Variants in ATP11B observed in about 807,000 individuals in gnomAD.
ATP11B encodes the protein ATPase phospholipid transporting 11B (putative), also known as phospholipid-transporting ATPase IF.
A neutral mutation model predicts 157.8 loss-of-function variants in ATP11B; 81 were observed. The ratio of observed to expected loss-of-function variants is 0.51; its 90% CI spans 0.43 to 0.62. ATP11B has a LOEUF of 0.62. ATP11B is among the 20% of genes least tolerant of loss of function. ATP11B has a pLI of 0.00. For missense variants in ATP11B, 1,165 were observed against 1,402.2 expected, an observed-to-expected ratio of 0.83 and a Z score of 2.70; for synonymous variants, 451 against 469.4, an observed-to-expected ratio of 0.96 and a Z score of 0.51.
intron 29 of ATP11B, chr3:182,917,159 C>A: frequency 6.1e-6 from 6 of 985,312 alleles, no homozygotes; most frequent in Non-Finnish European, 7.2e-6. Flanking sequence ...TAACGCTCAT[C>A]TCTTCCTGTA....
chr3:182,839,443 T>C (rs964222859), intron 7 of ATP11B, among the ~76,000 whole-genome samples: 1 of 152,028 alleles, frequency 6.6e-6, no homozygotes, highest in Admixed American at 6.6e-5. Flanking sequence ...TAAATAAATG[T>C]GTGTATATAT....
At chr3:182,896,906 A>G in intron 26 of ATP11B, 141 bp downstream of exon 26, 2 of 646,104 alleles carry the variant, frequency 3.1e-6, no homozygotes, top group South Asian at 4.5e-5. Context: ...CTATTTTAAT[A>G]GTTAAATTTT....
chr3:182,872,705 G>A (rs1220888564), intron 18 of ATP11B, among the ~76,000 whole-genome samples, 168 bp downstream of exon 18: 1 of 152,114 alleles, frequency 6.6e-6, no homozygotes, highest in African/African-American at 2.4e-5. Context: ...TACAATTTTT[G>A]TTCTAGCTAG....
At chr3:182,861,402 A>T (rs968797240) in intron 12 of ATP11B, among the ~76,000 whole-genome samples, 3 of 152,166 alleles carry the variant, frequency 2.0e-5, no homozygotes, top group Admixed American at 1.3e-4. Context: ...ACCTAATAAA[A>T]ACAGCACTTG....
In ATP11B at chr3:182,820,327, G is replaced by A. The variant is rs1264015846; in HGVS notation, c.95G>A (p.Gly32Asp). 6.2e-6 allele frequency: 10 copies of A among 1,613,816 alleles called. No homozygotes were observed. The highest frequency in any genetic ancestry group is 1.7e-5 in the Admixed American group (1 of 60,020). ...IYVANRFPQN[G>D]LYTPQKFIDN... Reference sequence around the variant, plus strand: ...GTAGCCAACAGGTTTCCTCAGAATGGCCTTTACACACCTCAGAAATTTATA... The same window carrying A: ...GTAGCCAACAGGTTTCCTCAGAATGACCTTTACACACCTCAGAAATTTATA... Residue 32 changes from glycine to aspartate, a missense_variant, in exon 2 of 30, where the codon GGC (glycine) becomes GAC (aspartate). Around this residue, in one of 4 missense-constraint regions of ATP11B, gnomAD observed 91 missense variants for 95.8 expected, o/e 0.95. Coordinates refer to ENST00000323116, the MANE Select transcript of ATP11B (RefSeq NM_014616.3).
At chr3:182,901,103 G>T (rs2108583171) in intron 28 of ATP11B, among the ~76,000 whole-genome samples, 1 of 152,170 alleles carries the variant, frequency 6.6e-6, no homozygotes, top group Admixed American at 6.5e-5. Flanking sequence ...AACCTGGGAG[G>T]TGGAGGTTGC....
Position 182,869,313 on chromosome 3 carries a change from T to C in ATP11B, c.1848T>C (p.His616=), listed in dbSNP as rs768245061. The C allele has an allele frequency of 3.7e-6, 6 of 1,603,150 alleles. No individual in the cohort carries two copies. The highest frequency in any genetic ancestry group is 3.4e-5 in the Admixed American group (2 of 59,126). The change falls in exon 17 of 30, where the codon CAT becomes CAC. Residue 616 remains histidine, a synonymous_variant. Transcript: ENST00000323116. ...GAGAAATAGAAAAAACCAGAATTCATGTAGATGAATTTGCTTTGGTGAGTG... is the reference window on the plus strand; with the variant it reads ...GAGAAATAGAAAAAACCAGAATTCACGTAGATGAATTTGCTTTGGTGAGTG... ...IGGEIEKTRI[H]VDEFALKGLR... is the part of the protein sequence containing the mutation.
chr3:182,846,171 C>G (rs1719505234), intron 9 of ATP11B, among the ~76,000 whole-genome samples: 1 of 152,202 alleles, frequency 6.6e-6, no homozygotes, highest in South Asian at 2.1e-4. Context: ...GTATCTTGGC[C>G]CACTGTGTTA....
intron 12 of ATP11B, among the ~76,000 whole-genome samples, chr3:182,859,678 C>G (rs1035134843): frequency 6.6e-6 from 1 of 152,108 alleles, no homozygotes; most frequent in East Asian, 1.9e-4. Context: ...TATCATATCA[C>G]AATTTGGGAT....
intron 3 of ATP11B, 29 bp downstream of exon 3, chr3:182,828,238 G>C: frequency 9.7e-7 from 1 of 1,030,312 alleles, no homozygotes; most frequent in South Asian, 1.8e-5. Context: ...TCTTAAGTTT[G>C]TAAACATAGT....
At chr3:182,845,191 G>T (rs1291712778) in intron 8 of ATP11B, among the ~76,000 whole-genome samples, 1 of 151,982 alleles carries the variant, frequency 6.6e-6, no homozygotes, top group East Asian at 1.9e-4. Context: ...TATTTTAGCA[G>T]AGACGGGGTT....
chr3:182,889,018 A>G (rs920083175), intron 24 of ATP11B, among the ~76,000 whole-genome samples: 7 of 151,998 alleles, frequency 4.6e-5, no homozygotes, highest in Admixed American at 6.6e-5. Flanking sequence ...GCGTGCCAAC[A>G]TGCCCAGCTA....
intron 23 of ATP11B, among the ~76,000 whole-genome samples, chr3:182,887,268 T>A (rs1722861237): frequency 1.3e-5 from 2 of 152,150 alleles, no homozygotes; most frequent in South Asian, 4.1e-4. Flanking sequence ...CTGGAATACA[T>A]GGAGGAGAAT....
intron 17 of ATP11B, 24 bp downstream of exon 17, chr3:182,869,355 A>C: frequency 1.5e-6 from 2 of 1,342,422 alleles, no homozygotes; most frequent in Non-Finnish European, 2.1e-6. Context: ...TCTATGATTT[A>C]AAAAACTCTA....
At chr3:182,872,658 T>C (rs1721751731) in intron 18 of ATP11B, 121 bp downstream of exon 18, 2 of 926,304 alleles carry the variant, frequency 2.2e-6, no homozygotes, top group East Asian at 2.7e-5. Context: ...AAGATCAAAG[T>C]AGAGAACTAA....
chr3:182,834,959 A>G (rs1718433648), intron 4 of ATP11B, among the ~76,000 whole-genome samples: 1 of 152,220 alleles, frequency 6.6e-6, no homozygotes, highest in African/African-American at 2.4e-5. Context: ...CTGTATTCTT[A>G]AAGTCAGCTA....
intron 8 of ATP11B, among the ~76,000 whole-genome samples, chr3:182,845,129 T>C (rs1373416198): frequency 6.6e-6 from 1 of 151,964 alleles, no homozygotes; most frequent in Non-Finnish European, 1.5e-5. Flanking sequence ...CTTAGCCTCC[T>C]GAGTAGCTGG....
chr3:182,865,839 A>C (rs1285000103), intron 13 of ATP11B, 141 bp downstream of exon 13: 2 of 690,976 alleles, frequency 2.9e-6, no homozygotes, highest in African/African-American at 3.6e-5. Context: ...TCAACAATAT[A>C]AAATATAATC....
chr3:182,878,506 A>G (rs1722200888), intron 19 of ATP11B, among the ~76,000 whole-genome samples: 1 of 152,244 alleles, frequency 6.6e-6, no homozygotes, highest in Non-Finnish European at 1.5e-5. Flanking sequence ...CCAAAGGAGA[A>G]TTGTGGGGGG....
Sources: gnomAD v4.1 joint callset for allele counts (sites outside exome capture counted in the v4.1 genomes callset) on GRCh38, gnomAD v4.1.1 for gene constraint, gnomAD v4.1.1 regional missense constraint, MANE v1.5 for transcripts, NCBI Gene and HGNC (gene_info 2026-07-23, HGNC 2026-07-21) for gene names.